Variants in GALK2 observed in about 807,000 individuals in gnomAD.
GALK2 encodes the protein galactokinase 2, also known as N-acetylgalactosamine kinase.
Under a neutral mutation model 52.4 loss-of-function variants are expected in GALK2, and 36 were observed. The ratio of observed to expected loss-of-function variants is 0.69; its 90% CI spans 0.53 to 0.91. GALK2 has a LOEUF of 0.91. GALK2 is among the 40% of genes least tolerant of loss of function. The probability of loss-of-function intolerance (pLI) is 0.00; values close to 1 mark genes in which losing one functional copy is unlikely to be tolerated. For synonymous variants in GALK2, 176 were observed against 199.1 expected (o/e 0.88, Z 0.98); for missense variants, 579 against 559.1 (o/e 1.04, Z -0.36).
intron 1 of GALK2, among the ~76,000 whole-genome samples, chr15:49,189,936 G>T (rs1240876789): frequency 1.3e-5 from 2 of 151,988 alleles, no homozygotes; most frequent in Admixed American, 6.6e-5. Flanking sequence ...CACAAATAAG[G>T]GTGGACTGCT....
intron 8 of GALK2, among the ~76,000 whole-genome samples, chr15:49,311,562 T>A (rs2035993280): frequency 6.6e-6 from 1 of 152,244 alleles, no homozygotes; most frequent in South Asian, 2.1e-4. Context: ...CCCTTTTCTT[T>A]GCTTCTTATC....
intron 5 of GALK2, among the ~76,000 whole-genome samples, chr15:49,245,470 A>G (rs1414909314): frequency 6.6e-6 from 1 of 152,244 alleles, no homozygotes; most frequent in Non-Finnish European, 1.5e-5. Flanking sequence ...GAATGGAAAT[A>G]GAATGAAAAG....
rs549252793 is a variant in GALK2, at chr15:49,362,101, T to TG, written c.427-5389dup. Among the ~76,000 whole-genome samples, 239 of 152,256 alleles carry TG rather than the reference T, an allele frequency of 1.6e-3. 1 individual carries two copies. Among genetic ancestry groups the TG allele is most frequent in the African/African-American group, 5.6e-3 (231 of 41,554 alleles). ...CACTTCTTAATGGGTTTGTTTGCTG[T>TG]GTGCTTGTTGATTTAAGTTCCTTAT... On this transcript the variant is annotated intron_variant, in intron 3 of 3. Coordinates refer to the GALK2 transcript ENST00000558399.
chr15:49,196,548 A>T (rs8035901), intron 1 of GALK2, among the ~76,000 whole-genome samples: 9,090 of 152,230 alleles, frequency 0.06, 541 homozygotes, highest in African/African-American at 0.15. Context: ...GTATTTGTGA[A>T]TGTTCCATGT....
intron 8 of GALK2, chr15:49,318,954 CTTTTT>C: frequency 7.1e-6 from 3 of 420,370 alleles, no homozygotes; most frequent in Admixed American, 2.6e-5. Flanking sequence ...TTCTTTCTTT[CTTTTT>C]TTTTTTTTTG....
intron 1 of GALK2, among the ~76,000 whole-genome samples, chr15:49,160,516 C>T (rs1420071027): frequency 7.9e-5 from 12 of 152,068 alleles, no homozygotes; most frequent in Non-Finnish European, 1.5e-5. Flanking sequence ...GATGACTATA[C>T]ATCCCAGTTT....
chr15:49,335,447 A>G (rs1221099481), downstream of GALK2: 3 of 1,613,236 alleles, frequency 1.9e-6, no homozygotes, highest in Non-Finnish European at 2.5e-6. Flanking sequence ...TTCCTTGCAA[A>G]TTGTCTTTTT....
At chr15:49,245,147 T>C (rs1289607515) in intron 5 of GALK2, among the ~76,000 whole-genome samples, 1 of 151,774 alleles carries the variant, frequency 6.6e-6, no homozygotes, top group Admixed American at 6.6e-5. Context: ...TGGAGGAGGG[T>C]AAAGGAAAGG....
intron 5 of GALK2, among the ~76,000 whole-genome samples, chr15:49,281,356 G>A (rs909150228): frequency 6.6e-6 from 1 of 152,168 alleles, no homozygotes; most frequent in Non-Finnish European, 1.5e-5. Flanking sequence ...GGAAGCCTTC[G>A]AAATGCCTGG....
chr15:49,226,103 G>A (rs963732533), intron 3 of GALK2, among the ~76,000 whole-genome samples: 1 of 152,154 alleles, frequency 6.6e-6, no homozygotes, highest in Non-Finnish European at 1.5e-5. Context: ...TGGGGGATGG[G>A]CACCTATGGC....
chr15:49,243,549 GT>G (rs903731673), intron 5 of GALK2, among the ~76,000 whole-genome samples: 2 of 151,982 alleles, frequency 1.3e-5, no homozygotes, highest in Non-Finnish European at 2.9e-5. Flanking sequence ...AAGCTTTTTA[GT>G]GACTCACTCT....
In GALK2 at chr15:49,252,973, A is replaced by G. The variant is rs547437740; in HGVS notation, c.504+13606A>G. Among the ~76,000 whole-genome samples, 54 of 144,340 alleles carry G rather than the reference A, an allele frequency of 3.7e-4. 8 individuals are homozygous for G. The highest frequency in any genetic ancestry group is 3.6e-3 in the Admixed American group (51 of 14,284). The allele number at this position is 144,340 out of a possible 152,430, so 94.7% of individuals were successfully genotyped here. A position where few individuals can be genotyped will look rare whatever the true frequency, so the allele number is the denominator to read the frequency against. ...CTTGCATTTTTTGATTTGGCTGTAT[A>G]TCAACTCAGCTCATTTTCTCCTGGA... On this transcript the variant is annotated intron_variant, in intron 5 of 9. Coordinates refer to ENST00000560031, the MANE Select transcript of GALK2 (RefSeq NM_002044.4).
chr15:49,262,540 T>C (rs2092166210), intron 5 of GALK2, among the ~76,000 whole-genome samples: 1 of 152,226 alleles, frequency 6.6e-6, no homozygotes, highest in Non-Finnish European at 1.5e-5. Flanking sequence ...CATTAATTTT[T>C]TGAAGGGTTT....
At chr15:49,298,759 T>A (rs1297582145) in intron 8 of GALK2, among the ~76,000 whole-genome samples, 1 of 152,186 alleles carries the variant, frequency 6.6e-6, no homozygotes, top group African/African-American at 2.4e-5. Context: ...GAATGAAGGC[T>A]GCTTGATAGT....
At chr15:49,292,631 G>A (rs1227134835) in intron 8 of GALK2, 94 bp downstream of exon 8, 24 of 953,724 alleles carry the variant, frequency 2.5e-5, no homozygotes, top group Non-Finnish European at 3.6e-5. Flanking sequence ...ATACTTGAGG[G>A]AATTTGGAGA....
At chr15:49,156,072 G>A in intron 1 of GALK2, 1 of 1,561,024 alleles carries the variant, frequency 6.4e-7, no homozygotes, top group Non-Finnish European at 8.8e-7. Flanking sequence ...TGCGGTGGGT[G>A]TTCCTAAGAT....
Position 49,328,848 on chromosome 15 carries a change from A to G in GALK2, c.*689A>G. 1 of 1,363,250 alleles carries G rather than the reference A, an allele frequency of 7.3e-7. No homozygotes were observed. Among genetic ancestry groups the G allele is most frequent in the Admixed American group, 3.1e-5 (1 of 32,526 alleles). The allele number at this position is 1,363,250 out of a possible 1,614,324, so 84.4% of individuals were successfully genotyped here. On this transcript the variant is annotated 3_prime_UTR_variant, in exon 10 of 10. Transcript: ENST00000560031. ...TCATTTGAATATTTGTAAACCATGTAATATATAAATAACCACTTTCAATTC... is the reference window on the plus strand; with the variant it reads ...TCATTTGAATATTTGTAAACCATGTGATATATAAATAACCACTTTCAATTC...
intron 5 of GALK2, among the ~76,000 whole-genome samples, chr15:49,262,354 A>G (rs1365627059): frequency 6.6e-6 from 1 of 152,090 alleles, no homozygotes; most frequent in African/African-American, 2.4e-5. Context: ...GTTTATTTGC[A>G]TAGAGGTGTT....
intron 8 of GALK2, among the ~76,000 whole-genome samples, chr15:49,292,869 C>T (rs1440360423): frequency 6.6e-6 from 1 of 152,040 alleles, no homozygotes. Flanking sequence ...TAGAGAACTG[C>T]TCTAACTCTG....
Sources: allele counts gnomAD v4.1 joint callset (sites outside exome capture counted in the v4.1 genomes callset), GRCh38; gene constraint gnomAD v4.1.1; transcripts MANE v1.5; gene names NCBI Gene and HGNC (gene_info 2026-07-23, HGNC 2026-07-21).